ARPC2: variants seen among roughly 807,000 people sequenced by gnomAD.
ARPC2 encodes the protein actin-related protein 2/3 complex subunit 2.
ARPC2 carries 4 observed loss-of-function variants against 38.6 expected under a neutral mutation model. The observed-to-expected ratio is 0.10, with a 90% CI of 0.05 to 0.24. ARPC2 has a LOEUF of 0.24. Among genes scored for constraint, ARPC2 ranks in the 10% least tolerant of loss-of-function variants. The pLI, the probability that ARPC2 is intolerant of heterozygous loss-of-function variation, is 1.00. For missense variants in ARPC2, 229 were observed against 387.3 expected, an observed-to-expected ratio of 0.59 and a Z score of 3.43; for synonymous variants, 125 against 140.8, an observed-to-expected ratio of 0.89 and a Z score of 0.79.
intron 10 of ARPC2, among the ~76,000 whole-genome samples, chr2:218,250,367 A>C (rs1281565816): frequency 6.6e-6 from 1 of 152,098 alleles, no homozygotes; most frequent in Non-Finnish European, 1.5e-5. Context: ...TCAGGGATAG[A>C]ATTGAGGAGA....
In ARPC2 at chr2:218,249,933, A is replaced by G. The variant is rs1226610201; in HGVS notation, c.878+12A>G. The G allele has an allele frequency of 6.3e-7, 1 of 1,591,850 alleles. No individual in the cohort carries two copies. The highest frequency in any genetic ancestry group is 1.1e-5 in the South Asian group (1 of 88,336). On this transcript the variant is annotated intron_variant, in intron 10 of 10. Coordinates refer to ENST00000315717, the MANE Select transcript of ARPC2 (RefSeq NM_152862.3). ...ATGAAAACAATCACGTAAGTTAGGC[A>G]GCACCCCAGCGACCACCTTCCTCTC...
intron 2 of ARPC2, among the ~76,000 whole-genome samples, chr2:218,219,387 T>G (rs1341281686): frequency 1.3e-5 from 2 of 151,364 alleles, no homozygotes; most frequent in Non-Finnish European, 2.9e-5. Flanking sequence ...AGACAGAGTC[T>G]CTCACTGGCT....
intron 10 of ARPC2, among the ~76,000 whole-genome samples, chr2:218,250,360 G>C (rs1690155845): frequency 6.6e-6 from 1 of 152,170 alleles, no homozygotes; most frequent in Non-Finnish European, 1.5e-5. Flanking sequence ...CTCTTTATCA[G>C]GGATAGAATT....
At chr2:218,219,190 T>C (rs1423443904) in intron 2 of ARPC2, among the ~76,000 whole-genome samples, 3 of 152,242 alleles carry the variant, frequency 2.0e-5, no homozygotes, top group Admixed American at 6.5e-5. Flanking sequence ...GAGTACATTC[T>C]CATCTATTTG....
chr2:218,253,624 A>G lies in ARPC2; in HGVS notation c.879-267A>G, dbSNP rs182480302. On this transcript the variant is annotated intron_variant, in intron 10 of 10. Transcript: ENST00000315717. ...TTGTGAACAAGTGATTCTTCTATCTAACTTGGTACGTTGAATGTCCTTGTG... is the reference window on the plus strand; with the variant it reads ...TTGTGAACAAGTGATTCTTCTATCTGACTTGGTACGTTGAATGTCCTTGTG... Among the ~76,000 whole-genome samples the G allele has an allele frequency of 1.4e-4, 21 of 152,362 alleles. No individual in the cohort carries two copies. In the East Asian group the frequency reaches 3.9e-3, roughly 28 times the overall value.
chr2:218,235,479 C>T (rs62182795), intron 5 of ARPC2: 60,199 of 151,920 alleles, frequency 0.4, 12,571 homozygotes, highest in Middle Eastern at 0.52. Flanking sequence ...GTTGGGATCA[C>T]AGGCATGAGC....
intron 7 of ARPC2, among the ~76,000 whole-genome samples, chr2:218,240,673 C>T (rs1383654922): frequency 1.3e-5 from 2 of 152,026 alleles, no homozygotes; most frequent in Non-Finnish European, 2.9e-5. Flanking sequence ...GGGCGGATCA[C>T]GAGGTCAAGA....
intron 7 of ARPC2, among the ~76,000 whole-genome samples, chr2:218,240,472 A>G (rs1468372034): frequency 6.6e-6 from 1 of 152,076 alleles, no homozygotes; most frequent in African/African-American, 2.4e-5. Flanking sequence ...TTCAGAATGG[A>G]CTGTATAGCC....
At chr2:218,225,794 G>T in intron 2 of ARPC2, 126 bp from the exon 3 acceptor site, 1 of 795,232 alleles carries the variant, frequency 1.3e-6, no homozygotes, top group Non-Finnish European at 2.1e-6. Flanking sequence ...TACTCTGATT[G>T]GCAGTAACCT....
intron 2 of ARPC2, among the ~76,000 whole-genome samples, chr2:218,220,685 CAG>C (rs1378682744): frequency 6.6e-6 from 1 of 151,692 alleles, no homozygotes; most frequent in Non-Finnish European, 1.5e-5. Context: ...CTAAAAGTAT[CAG>C]CTTTCTTTTG....
chr2:218,229,931 TAA>T (rs1689590336), intron 4 of ARPC2, among the ~76,000 whole-genome samples: 1 of 151,376 alleles, frequency 6.6e-6, no homozygotes, highest in Non-Finnish European at 1.5e-5. Flanking sequence ...CTTTACCAGA[TAA>T]AGAGTGAAAG....
At chr2:218,249,262 A>AGAT in intron 8 of ARPC2, 102 bp from the exon 9 acceptor site, 1 of 763,788 alleles carries the variant, frequency 1.3e-6, no homozygotes, top group Admixed American at 2.6e-5. Context: ...AGTGGAGTGT[A>AGAT]CTTAAGCAGA....
intron 4 of ARPC2, 197 bp downstream of exon 4, chr2:218,229,047 C>A: frequency 2.3e-6 from 1 of 436,324 alleles, no homozygotes; most frequent in Non-Finnish European, 4.1e-6. Flanking sequence ...TGCTTTAAAA[C>A]AATGGAAACA....
intron 7 of ARPC2, among the ~76,000 whole-genome samples, chr2:218,243,191 A>T (rs1689956512): frequency 6.6e-6 from 1 of 152,174 alleles, no homozygotes; most frequent in African/African-American, 2.4e-5. Context: ...TCCCAGTGGC[A>T]ATTATTTCCT....
At chr2:218,239,994 C>T (rs575233601) in intron 7 of ARPC2, among the ~76,000 whole-genome samples, 5 of 151,258 alleles carry the variant, frequency 3.3e-5, no homozygotes, top group African/African-American at 7.3e-5. Flanking sequence ...CTTGCTCTGT[C>T]GCCAGGCTGG....
chr2:218,238,061 G>A (rs772692380), intron 5 of ARPC2, among the ~76,000 whole-genome samples: 10 of 152,194 alleles, frequency 6.6e-5, no homozygotes, highest in African/African-American at 1.9e-4. Context: ...GAGATCAAAT[G>A]AAGTAAAATG....
At chr2:218,223,449 G>GA (rs34224121) in intron 2 of ARPC2, among the ~76,000 whole-genome samples, 62,774 of 152,048 alleles carry the variant, frequency 0.41, 14,900 homozygotes, top group South Asian at 0.61. Context: ...ATGCCAAAGA[G>GA]AACCCATGAA....
At chr2:218,250,729 G>T (rs77850647) in intron 10 of ARPC2, among the ~76,000 whole-genome samples, 4,761 of 152,038 alleles carry the variant, frequency 0.031, 80 homozygotes, top group African/African-American at 0.035. Flanking sequence ...CAGGAAAGGC[G>T]AGCATGGCCT....
chr2:218,221,948 A>G (rs1055247670), intron 2 of ARPC2, among the ~76,000 whole-genome samples: 1 of 152,186 alleles, frequency 6.6e-6, no homozygotes, highest in African/African-American at 2.4e-5. Context: ...AGAAGGGATA[A>G]GTAGGAGAGA....
Sources: allele counts gnomAD v4.1 joint callset (sites outside exome capture counted in the v4.1 genomes callset), GRCh38; gene constraint gnomAD v4.1.1; transcripts MANE v1.5; gene names NCBI Gene and HGNC (gene_info 2026-07-23, HGNC 2026-07-21).